The following CLEC10A variants were observed in gnomAD, a reference collection of about 807,000 sequenced individuals.
The protein encoded by CLEC10A is C-type lectin domain containing 10A.
CLEC10A carries 38 observed loss-of-function variants against 42.0 expected under a neutral mutation model. The observed-to-expected ratio is 0.90, with a 90% CI of 0.70 to 1.18. The LOEUF (loss-of-function observed/expected upper bound fraction) is 1.18. CLEC10A is among the 50% of genes most tolerant of loss of function. The pLI is 0.00. For synonymous variants in CLEC10A, 126 were observed against 139.9 expected (o/e 0.90, Z 0.70); for missense variants, 298 against 345.9 (o/e 0.86, Z 1.10).
chr17:7,078,813 G>C lies in CLEC10A; in HGVS notation c.-1C>G. ...GGAAGTTTTCATACGTCCTTGTCAT[G>C]CTTGGGCCAACACGGCTCTGAGGTT... is the stretch of plus-strand genomic sequence containing the variant. On this transcript the variant is annotated 5_prime_UTR_variant, in exon 2 of 9. Transcript: ENST00000416562. The C allele has an allele frequency of 6.2e-7, 1 of 1,614,020 alleles. No individual in the cohort carries two copies. Among genetic ancestry groups the C allele is most frequent in the Non-Finnish European group, 8.5e-7 (1 of 1,179,982 alleles).
At position 7,080,078 on chromosome 17, in the gene CLEC10A, C is replaced by G. The variant is rs1200166035; in HGVS notation, c.-100G>C. On this transcript the variant is annotated 5_prime_UTR_variant, in exon 1 of 9. Transcript: ENST00000416562. ...TGTGGGAGGTCTGGAGGGTGTGATT[C>G]CCACGTTGGTTGTGCTGCAAGGACC... The G allele has an allele frequency of 1.3e-5, 2 of 152,344 alleles. No homozygotes were observed. The highest frequency in any genetic ancestry group is 2.9e-5 in the Non-Finnish European group (2 of 68,146). 9.4% of individuals were successfully genotyped at this position (152,344 alleles called of 1,614,324 possible).
intron 1 of CLEC10A, among the ~76,000 whole-genome samples, chr17:7,079,658 G>A (rs1597362236): frequency 6.6e-6 from 1 of 152,082 alleles, no homozygotes; most frequent in Admixed American, 6.5e-5. Context: ...AGATAAGGCT[G>A]GAAATGGGCC....
chr17:7,076,101 C>G, intron 5 of CLEC10A, 30 bp from the exon 6 acceptor site: 1 of 1,614,130 alleles, frequency 6.2e-7, no homozygotes, highest in Non-Finnish European at 8.5e-7. Context: ...GCAGTGGGGA[C>G]AGTGGCCTAG....
chr17:7,077,460 C>CT (rs1402088023), intron 3 of CLEC10A, among the ~76,000 whole-genome samples: 2 of 120,118 alleles, frequency 1.7e-5, no homozygotes, highest in Non-Finnish European at 1.8e-5. Flanking sequence ...ATCAGTGCCC[C>CT]CCACCATTCC....
rs1912019611 is a variant in CLEC10A, at chr17:7,078,905, G to A, written c.-73-20C>T. ...GTGGAGCTGGGGAATAGGAGGTTGGGACTAAGTTGGAGCCAAGGGCAGGGC... is the reference window on the plus strand; with the variant it reads ...GTGGAGCTGGGGAATAGGAGGTTGGAACTAAGTTGGAGCCAAGGGCAGGGC... On this transcript the variant is annotated intron_variant, in intron 1 of 8. Coordinates refer to ENST00000416562, the MANE Select transcript of CLEC10A (RefSeq NM_001330070.2). 8.4e-7 allele frequency: 1 copy of A among 1,186,324 alleles called. No individual in the cohort carries two copies. The highest frequency in any genetic ancestry group is 1.3e-6 in the Non-Finnish European group (1 of 791,052). The allele number at this position is 1,186,324 out of a possible 1,614,324, so 73.5% of individuals were successfully genotyped here. A position where few individuals can be genotyped will look rare whatever the true frequency, so the allele number is the denominator to read the frequency against.
At position 7,078,312 on chromosome 17, in the gene CLEC10A, C is replaced by G. The variant is rs544926686; in HGVS notation, c.68-199G>C. 2.0e-3 allele frequency among the ~76,000 whole-genome samples: 303 copies of G among 152,200 alleles called. 1 individual carries two copies. The highest frequency in any genetic ancestry group is 6.9e-3 in the African/African-American group (286 of 41,520). On this transcript the variant is annotated intron_variant, in intron 2 of 8. Transcript: ENST00000416562. ...GCACAAGTCCTCAGTCACACAGGCC[C>G]CTCACACCCCTGGGGACCCACGTGA...
rs182767360 is a variant in CLEC10A at position 7,078,046 on chromosome 17, C to T, written c.135G>A (p.Leu45=). The T allele has an allele frequency of 3.1e-6, 5 of 1,614,002 alleles. No individual in the cohort carries two copies. The highest frequency in any genetic ancestry group is 4.2e-6 in the Non-Finnish European group (5 of 1,179,928). Residue 45 remains leucine (L), a synonymous_variant, in exon 3 of 9, where the codon CTG becomes CTA. Transcript: ENST00000416562. ...TGACCAGCAGCAGGAGGCCGAGGCC[C>T]AGGGACAGCAGGAGATGGCAGGGCC... is the stretch of plus-strand genomic sequence containing the variant. ...CSGPCHLLLS[L]GLGLLLLVII... is the part of the protein sequence containing the mutation.
chr17:7,076,126 T>C (rs748055631), intron 5 of CLEC10A, 55 bp from the exon 6 acceptor site: 8 of 1,613,834 alleles, frequency 5.0e-6, no homozygotes, highest in Non-Finnish European at 6.8e-6. Flanking sequence ...GCCTTCTGCG[T>C]AGTGTGTTCC....
In CLEC10A at chr17:7,076,906, G is replaced by A. The variant is rs150615003; in HGVS notation, c.266C>T (p.Ala89Val). 2.3e-4 allele frequency: 378 copies of A among 1,613,850 alleles called. 1 individual carries two copies. The highest frequency in any genetic ancestry group is 3.0e-4 in the Non-Finnish European group (352 of 1,179,962). ...FTSNTVAEIQ[A>V]LTSQGSSLEE... ...ACCAGACTCACCCTGGGAAGTCAGT[G>A]CCTGGATCTCCGCCACAGTGTTTGA... Residue 89 changes from alanine to valine, a missense_variant, in exon 4 of 9, where the codon GCA (alanine) becomes GTA (valine). Ala to Val is a moderately conservative substitution (Grantham distance 64). Around this residue, in one of 3 missense-constraint regions of CLEC10A, gnomAD observed 267 missense variants for 289.5 expected, o/e 0.92. Coordinates refer to ENST00000416562, the MANE Select transcript of CLEC10A (RefSeq NM_001330070.2).
chr17:7,076,307 C>CTT (rs1206807036), intron 5 of CLEC10A, among the ~76,000 whole-genome samples: 51 of 121,116 alleles, frequency 4.2e-4, no homozygotes, highest in Non-Finnish European at 5.3e-4. Context: ...TTCTTTCTTT[C>CTT]TTTTTTTTTT....
At chr17:7,075,506 C>T (rs774737287) in intron 7 of CLEC10A, 40 bp from the exon 8 acceptor site, 2 of 1,489,878 alleles carry the variant, frequency 1.3e-6, no homozygotes, top group South Asian at 1.3e-5. Context: ...CTTCCCATCC[C>T]AGCCAACTCC....
At chr17:7,075,529 T>G (rs370695862) in intron 7 of CLEC10A, 63 bp from the exon 8 acceptor site, 4 of 1,450,832 alleles carry the variant, frequency 2.8e-6, no homozygotes, top group Non-Finnish European at 3.8e-6. Flanking sequence ...AAACTAGTGA[T>G]TCTCAACTTT....
At chr17:7,077,495 CCA>C (rs1567745817) in intron 3 of CLEC10A, among the ~76,000 whole-genome samples, 47 of 117,446 alleles carry the variant, frequency 4.0e-4, no homozygotes, top group African/African-American at 1.3e-3. Context: ...TCAGTGACCC[CCA>C]CCACCATTCC....
Position 7,075,089 on chromosome 17 carries a change from C to A in CLEC10A, c.835G>T (p.Ala279Ser), listed in dbSNP as rs1285259875. 1.9e-6 allele frequency: 3 copies of A among 1,595,252 alleles called. No homozygotes were observed. Among genetic ancestry groups the A allele is most frequent in the Non-Finnish European group, 1.7e-6 (2 of 1,174,866 alleles). The change falls in exon 9 of 9, where the codon GCT becomes TCT. Residue 279 changes from alanine to serine, a missense_variant. Physicochemically the swap from Ala to Ser is moderately conservative, Grantham distance 99. Transcript: ENST00000416562. ...CQRPYHWVCE[A>S]GLGQTSQESH ...TCCTGGCTGGTCTGACCCAGGCCAGCCTCGCAGACCCAGTGGTAGGGCCTC... is the reference window on the plus strand; with the variant it reads ...TCCTGGCTGGTCTGACCCAGGCCAGACTCGCAGACCCAGTGGTAGGGCCTC...
intron 7 of CLEC10A, 50 bp downstream of exon 7, chr17:7,075,681 A>G (rs765345852): frequency 1.2e-6 from 2 of 1,613,508 alleles, no homozygotes; most frequent in Non-Finnish European, 1.7e-6. Flanking sequence ...CTTAAGAACC[A>G]TTTCCCTAAA....
chr17:7,074,865 A>G lies in CLEC10A; in HGVS notation c.*189T>C. 2.4e-6 allele frequency: 1 copy of G among 418,576 alleles called. No individual in the cohort carries two copies. Among genetic ancestry groups the G allele is most frequent in the Non-Finnish European group, 4.1e-6 (1 of 244,234 alleles). The allele number at this position is 418,576 out of a possible 1,614,324, so 25.9% of individuals were successfully genotyped here. On this transcript the variant is annotated 3_prime_UTR_variant, in exon 9 of 9. Coordinates refer to ENST00000416562, the MANE Select transcript of CLEC10A (RefSeq NM_001330070.2). ...CATGAAGTTGACTTTCAAAAGTTGGAAAAAAAATAAAAGCTTAAGAACACT... is the reference window on the plus strand; with the variant it reads ...CATGAAGTTGACTTTCAAAAGTTGGGAAAAAAATAAAAGCTTAAGAACACT...
chr17:7,077,775 C>CCTCTCCTCCATTCCCAT (rs1567746210), intron 3 of CLEC10A, among the ~76,000 whole-genome samples: 1 of 151,812 alleles, frequency 6.6e-6, no homozygotes, highest in African/African-American at 2.4e-5. Context: ...CCATCAGTGC[C>CCTCTCCTCCATTCCCAT]CCATCAGTGC....
At position 7,078,901 on chromosome 17, in the gene CLEC10A, T is replaced by C. The variant is rs115342941; in HGVS notation, c.-73-16A>G. The C allele has an allele frequency of 4.6e-3, 5,908 of 1,278,068 alleles. 222 individuals are homozygous for C. The African/African-American group carries it at 0.076, about 16-fold the overall frequency. The allele number at this position is 1,278,068 out of a possible 1,614,324, so 79.2% of individuals were successfully genotyped here. ...TGGGGTGGAGCTGGGGAATAGGAGG[T>C]TGGGACTAAGTTGGAGCCAAGGGCA... is the stretch of plus-strand genomic sequence containing the variant. On this transcript the variant is annotated splice_polypyrimidine_tract_variant and intron_variant, in intron 1 of 8. Coordinates refer to ENST00000416562, the MANE Select transcript of CLEC10A (RefSeq NM_001330070.2).
Position 7,078,055 on chromosome 17 carries a change from C to A in CLEC10A, c.126G>T (p.Leu42=), listed in dbSNP as rs1432457486. Residue 42 remains leucine, a synonymous_variant, in exon 3 of 9, where the codon CTG becomes CTT. Transcript: ENST00000416562. The part of the protein sequence containing the change: ...QRLCSGPCHL[L]LSLGLGLLLL... The stretch of plus-strand genomic sequence containing the variant: ...GCAGGAGGCCGAGGCCCAGGGACAG[C>A]AGGAGATGGCAGGGCCCAGAGCAGA... 1 of 1,613,976 alleles carries A rather than the reference C, an allele frequency of 6.2e-7. No individual in the cohort carries two copies.
Sources: gnomAD v4.1 joint callset for allele counts (sites outside exome capture counted in the v4.1 genomes callset) on GRCh38, gnomAD v4.1.1 for gene constraint, gnomAD v4.1.1 regional missense constraint, MANE v1.5 for transcripts, NCBI Gene and HGNC (gene_info 2026-07-23, HGNC 2026-07-21) for gene names.